PGM3: variants seen among roughly 807,000 people sequenced by gnomAD.
PGM3 encodes the protein phosphoglucomutase 3, also known as phosphoacetylglucosamine mutase.
PGM3 carries 40 observed loss-of-function variants against 66.2 expected under a neutral mutation model. The ratio of observed to expected loss-of-function variants is 0.60; its 90% CI spans 0.47 to 0.79. The LOEUF is 0.79. Among genes scored for constraint, PGM3 ranks in the 30% least tolerant of loss-of-function variants. The pLI is 0.00. For synonymous variants in PGM3, 191 were observed against 224.2 expected (o/e 0.85, Z 1.32); for missense variants, 537 against 643.4 (o/e 0.83, Z 1.79).
At chr6:83,150,853 G>A in the PGM3 span, among the ~76,000 whole-genome samples, 1 of 152,018 alleles carries the variant, frequency 6.6e-6, no homozygotes. Flanking sequence ...CAAATAATTA[G>A]TACACAACTC....
At chr6:83,176,389 A>G (rs74942899) in intron 8 of PGM3, among the ~76,000 whole-genome samples, 4 of 152,340 alleles carry the variant, frequency 2.6e-5, no homozygotes, top group Non-Finnish European at 5.9e-5. Flanking sequence ...CAGAATTGCA[A>G]GCTTTTTCTG....
chr6:83,157,353 T>C (rs978045268), downstream of PGM3: 2 of 1,600,434 alleles, frequency 1.2e-6, no homozygotes, highest in Non-Finnish European at 1.7e-6. Context: ...GTTATAAATC[T>C]AAATGATAAA....
rs1047622591 is a variant in PGM3 at position 83,168,187 on chromosome 6, T to G, written c.*1047A>C. On this transcript the variant is annotated 3_prime_UTR_variant, in exon 13 of 13. Coordinates refer to ENST00000513973, the MANE Select transcript of PGM3 (RefSeq NM_015599.3). ...ACTTGAGCACCATTGCTGGTTCCAT[T>G]TAGCTTACATGTAAATGTAATTATT... 6.3e-7 allele frequency: 1 copy of G among 1,598,444 alleles called. No homozygotes were observed.
intron 8 of PGM3, among the ~76,000 whole-genome samples, chr6:83,177,445 CA>C (rs1002407007): frequency 2.1e-4 from 30 of 143,298 alleles, no homozygotes; most frequent in South Asian, 1.8e-3. Context: ...AAAACCTCTC[CA>C]AAAAAAAAAG....
chr6:83,179,730 T>A (rs760688589), intron 7 of PGM3, 80 bp downstream of exon 7: 3 of 1,142,046 alleles, frequency 2.6e-6, no homozygotes, highest in Non-Finnish European at 3.7e-6. Context: ...AATTGTGCCC[T>A]TCTGACAAAT....
At chr6:83,186,398 C>T (rs1395760581) in intron 4 of PGM3, among the ~76,000 whole-genome samples, 1 of 152,090 alleles carries the variant, frequency 6.6e-6, no homozygotes, top group South Asian at 2.1e-4. Flanking sequence ...GGAACACAGT[C>T]GGAACTCGAG....
At chr6:83,172,746 A>G (rs552612549) in intron 10 of PGM3, among the ~76,000 whole-genome samples, 1 of 152,316 alleles carries the variant, frequency 6.6e-6, no homozygotes, top group South Asian at 2.1e-4. Context: ...AGACCCTCTC[A>G]GCCTCCTTCA....
At chr6:83,179,173 TG>T (rs1787992592) in intron 7 of PGM3, among the ~76,000 whole-genome samples, 1 of 151,838 alleles carries the variant, frequency 6.6e-6, no homozygotes, top group South Asian at 2.1e-4. Context: ...TAGCCAGGTG[TG>T]GTGGCATGCA....
rs1476588947 is a variant in PGM3, at chr6:83,166,762, T to C, written c.*2472A>G. 1 of 1,098,136 alleles carries C rather than the reference T, an allele frequency of 9.1e-7. No homozygotes were observed. Among genetic ancestry groups the C allele is most frequent in the East Asian group, 5.8e-5 (1 of 17,362 alleles). The allele number at this position is 1,098,136 out of a possible 1,614,324, so 68.0% of individuals were successfully genotyped here. ...ACATAGAAGAAAATAAGCTGGATTT[T>C]GCATCTGCTTGACCCACTAGGAAAC... On this transcript the variant is annotated 3_prime_UTR_variant, in exon 13 of 13. Transcript: ENST00000513973.
chr6:83,171,446 A>G (rs1432354332), intron 11 of PGM3: 1 of 152,220 alleles, frequency 6.6e-6, no homozygotes, highest in Non-Finnish European at 1.5e-5. Flanking sequence ...TAGTTATTCT[A>G]TAATTTTTTT....
At chr6:83,188,978 T>C (rs1011728574) in intron 2 of PGM3, among the ~76,000 whole-genome samples, 180 bp from the exon 3 acceptor site, 4 of 152,214 alleles carry the variant, frequency 2.6e-5, no homozygotes, top group Admixed American at 2.6e-4. Flanking sequence ...TATTACCTCA[T>C]TAAATCCTCA....
the PGM3 span, chr6:83,151,507 C>T: frequency 6.0e-6 from 6 of 1,002,148 alleles, no homozygotes; most frequent in African/African-American, 1.6e-5. Flanking sequence ...ACCATTAAGC[C>T]GCTTAACTCA....
chr6:83,174,086 A>T (rs1402691963), intron 10 of PGM3, among the ~76,000 whole-genome samples: 3 of 152,126 alleles, frequency 2.0e-5, no homozygotes, highest in Non-Finnish European at 2.9e-5. Context: ...TTAAAAAAAA[A>T]TTAATAATAT....
At chr6:83,181,598 A>C in intron 6 of PGM3, 138 bp downstream of exon 6, 2 of 601,404 alleles carry the variant, frequency 3.3e-6, no homozygotes. Context: ...TGAGAGTGGG[A>C]AGACTTCTCA....
At chr6:83,157,143 GATT>G, downstream of PGM3, 1 of 1,599,924 alleles carries the variant, frequency 6.3e-7, no homozygotes, top group Admixed American at 1.8e-5. Flanking sequence ...ATGTGATAAA[GATT>G]ATTTAGTTAT....
At chr6:83,186,325 G>A (rs1788576301) in intron 4 of PGM3, among the ~76,000 whole-genome samples, 1 of 152,204 alleles carries the variant, frequency 6.6e-6, no homozygotes, top group East Asian at 1.9e-4. Context: ...GACAGAAGAG[G>A]AGGAAACAGA....
chr6:83,176,147 G>C (rs1052527558), intron 8 of PGM3, 87 bp from the exon 9 acceptor site: 1 of 769,216 alleles, frequency 1.3e-6, no homozygotes, highest in African/African-American at 1.7e-5. Flanking sequence ...ATACAAAGGG[G>C]AACAAAATAC....
the PGM3 span, chr6:83,152,501 A>G: frequency 4.9e-6 from 2 of 404,046 alleles, no homozygotes; most frequent in Non-Finnish European, 8.6e-6. Context: ...TATAGAATTA[A>G]TATAAAGTTT....
intron 10 of PGM3, among the ~76,000 whole-genome samples, chr6:83,172,374 A>G (rs1253435683): frequency 1.3e-5 from 2 of 152,040 alleles, no homozygotes; most frequent in East Asian, 1.9e-4. Context: ...TGAACAGCCA[A>G]TGCACTCCAG....
Sources: allele counts gnomAD v4.1 joint callset (sites outside exome capture counted in the v4.1 genomes callset), GRCh38; gene constraint gnomAD v4.1.1; transcripts MANE v1.5; gene names NCBI Gene and HGNC (gene_info 2026-07-23, HGNC 2026-07-21).